Variants in TBC1D8B observed in about 807,000 individuals in gnomAD.
TBC1D8B encodes TBC1 domain family member 8B.
Under a neutral mutation model 82.9 loss-of-function variants are expected in TBC1D8B, and 75 were observed. The ratio of observed to expected loss-of-function variants is 0.90; its 90% confidence interval spans 0.75 to 1.10. The LOEUF is 1.10. Among genes scored for constraint, TBC1D8B ranks in the 50% least tolerant of loss-of-function variants. The probability of loss-of-function intolerance (pLI) is 0.00; values close to 1 mark genes in which losing one functional copy is unlikely to be tolerated. For missense variants in TBC1D8B, 794 were observed against 796.9 expected, an observed-to-expected ratio of 1.00 and a Z score of 0.04; for synonymous variants, 276 against 276.8, an observed-to-expected ratio of 1.00 and a Z score of 0.03.
At chrX:106,832,413 A>G (rs779390619) in intron 7 of TBC1D8B, among the ~76,000 whole-genome samples, 13 of 111,468 alleles carry the variant, frequency 1.2e-4, no homozygotes, top group Non-Finnish European at 2.3e-4. Flanking sequence ...TTTTACTTTC[A>G]TTGACACATA....
At chrX:106,836,321 T>C (rs1486530532) in intron 7 of TBC1D8B, among the ~76,000 whole-genome samples, 2 of 111,547 alleles carry the variant, frequency 1.8e-5, no homozygotes, top group Non-Finnish European at 3.8e-5. Flanking sequence ...CATGATTCAG[T>C]TATCTCCATC....
At chrX:106,824,671 T>C (rs1217479516) in intron 5 of TBC1D8B, among the ~76,000 whole-genome samples, 2 of 111,327 alleles carry the variant, frequency 1.8e-5, no homozygotes, top group African/African-American at 6.5e-5. Context: ...AGGCTATCAA[T>C]GAGTTATTCA....
chrX:106,831,469 A>G (rs1932045507), intron 7 of TBC1D8B, among the ~76,000 whole-genome samples: 1 of 111,656 alleles, frequency 9.0e-6, no homozygotes, highest in South Asian at 3.8e-4. Flanking sequence ...GAATACAAGT[A>G]AAATCTGACC....
chrX:106,816,050 G>C (rs1176009046), intron 1 of TBC1D8B, among the ~76,000 whole-genome samples: 1 of 111,259 alleles, frequency 9.0e-6, no homozygotes, highest in Non-Finnish European at 1.9e-5. Context: ...AGTGTTGGAA[G>C]TTCTGGCCAG....
rs778461096 is a variant in TBC1D8B, at chrX:106,840,048, T to C, written c.1354T>C (p.Leu452=). 1 of 1,190,389 alleles carries C rather than the reference T, an allele frequency of 8.4e-7. No individual in the cohort carries two copies. Among genetic ancestry groups the C allele is most frequent in the Non-Finnish European group, 1.1e-6 (1 of 886,738 alleles). Residue 452 remains leucine (L), a splice_region_variant and synonymous_variant, in exon 9 of 21, where the codon TTG becomes CTG. Coordinates refer to ENST00000357242, the MANE Select transcript of TBC1D8B (RefSeq NM_017752.3). The stretch of plus-strand genomic sequence containing the variant: ...TGTTTTGATTTTTCTGTCATTACAG[T>C]TGAAAGAAAAAATGAAGGAACAGTC... ...QNLETLNSKM[L]KEKMKEQSWK...
At chrX:106,856,480 A>G (rs1178746644) in intron 14 of TBC1D8B, among the ~76,000 whole-genome samples, 1 of 110,653 alleles carries the variant, frequency 9.0e-6, no homozygotes, top group Admixed American at 9.6e-5. Context: ...TGCTTTTTTA[A>G]CATTTAGAAC....
Position 106,850,006 on chromosome X carries a change from T to C in TBC1D8B, c.1838-19T>C. The C allele has an allele frequency of 8.7e-7, 1 of 1,155,539 alleles. No individual in the cohort carries two copies. Among genetic ancestry groups the C allele is most frequent in the Non-Finnish European group, 1.1e-6 (1 of 871,382 alleles). ...TTTTGAAAAATGTTTATTTTTAAAC[T>C]TCTTTTGATATTCTGTAGGTGCCTT... On this transcript the variant is annotated intron_variant, in intron 11 of 20. Transcript: ENST00000357242.
chrX:106,809,146 G>A (rs1472971465), intron 1 of TBC1D8B, among the ~76,000 whole-genome samples: 1 of 111,871 alleles, frequency 8.9e-6, no homozygotes, highest in African/African-American at 3.2e-5. Flanking sequence ...TCCTAAATGT[G>A]ATGGTATACA....
chrX:106,802,935 C>T lies in TBC1D8B; in HGVS notation c.82C>T (p.Leu28=). The T allele has an allele frequency of 1.7e-6, 2 of 1,210,960 alleles. No homozygotes were observed. The highest frequency in any genetic ancestry group is 2.2e-6 in the Non-Finnish European group (2 of 895,180). ...GGAAAGGTCCAACGACTACTTCGTGCTGCAGCGGCGTCGGGGCTACGGGGA... is the reference window on the plus strand; with the variant it reads ...GGAAAGGTCCAACGACTACTTCGTGTTGCAGCGGCGTCGGGGCTACGGGGA... The part of the protein sequence containing the change: ...LMERSNDYFV[L]QRRRGYGEEG... Residue 28 remains leucine (L), a synonymous_variant, in exon 1 of 21, where the codon CTG becomes TTG. Transcript: ENST00000357242.
intron 14 of TBC1D8B, among the ~76,000 whole-genome samples, chrX:106,861,372 C>A (rs1602435706): frequency 9.0e-6 from 1 of 111,691 alleles, no homozygotes. Flanking sequence ...TCTTTATAGG[C>A]CTCTAAGAAC....
intron 1 of TBC1D8B, among the ~76,000 whole-genome samples, chrX:106,818,044 TGAAAA>T (rs1171052882): frequency 9.0e-6 from 1 of 111,097 alleles, no homozygotes; most frequent in African/African-American, 3.3e-5. Context: ...TAAGAATTGT[TGAAAA>T]GAAAATCCCT....
intron 17 of TBC1D8B, 70 bp downstream of exon 17, chrX:106,866,932 T>A: frequency 5.0e-6 from 4 of 807,575 alleles, no homozygotes; most frequent in Non-Finnish European, 7.0e-6. Context: ...TAATTACAGA[T>A]TTTTTTAACA....
chrX:106,817,500 AT>A (rs1931577346), intron 1 of TBC1D8B, among the ~76,000 whole-genome samples: 1 of 111,802 alleles, frequency 8.9e-6, no homozygotes, highest in African/African-American at 3.2e-5. Context: ...AAACTCATGC[AT>A]AAAATTATTT....
intron 7 of TBC1D8B, among the ~76,000 whole-genome samples, chrX:106,830,322 T>C (rs1189655153): frequency 5.4e-5 from 6 of 111,236 alleles, no homozygotes; most frequent in African/African-American, 1.6e-4. Context: ...TGTGGAGAAA[T>C]AGGAACACTT....
intron 1 of TBC1D8B, among the ~76,000 whole-genome samples, chrX:106,810,434 G>A (rs1329785590): frequency 8.1e-5 from 9 of 111,764 alleles, no homozygotes; most frequent in Admixed American, 2.8e-4. Flanking sequence ...TGCACTTAGC[G>A]ACTAGAAAAA....
At chrX:106,820,537 G>A (rs1471787828) in intron 2 of TBC1D8B, among the ~76,000 whole-genome samples, 3 of 111,434 alleles carry the variant, frequency 2.7e-5, no homozygotes, top group Non-Finnish European at 3.8e-5. Context: ...TACACATTAT[G>A]TATTTTCTGG....
intron 14 of TBC1D8B, among the ~76,000 whole-genome samples, chrX:106,860,343 GTGT>G (rs1932762137): frequency 1.3e-4 from 3 of 22,652 alleles, no homozygotes; most frequent in African/African-American, 8.4e-4. Flanking sequence ...TATGATTGGT[GTGT>G]GTGTGTGTGT....
chrX:106,870,619 C>A, intron 19 of TBC1D8B, 97 bp from the exon 20 acceptor site: 1 of 513,227 alleles, frequency 1.9e-6, no homozygotes, highest in Admixed American at 4.1e-5. Flanking sequence ...GATCTTATAT[C>A]TCAGTGAAAT....
intron 2 of TBC1D8B, among the ~76,000 whole-genome samples, chrX:106,820,421 T>G (rs937969031): frequency 6.3e-5 from 7 of 111,456 alleles, no homozygotes; most frequent in Non-Finnish European, 9.5e-5. Flanking sequence ...ACAGTTAAAA[T>G]CTACATTTAC....
Sources: gnomAD v4.1 joint callset for allele counts (sites outside exome capture counted in the v4.1 genomes callset) on GRCh38, gnomAD v4.1.1 for gene constraint, MANE v1.5 for transcripts, NCBI Gene and HGNC (gene_info 2026-07-23, HGNC 2026-07-21) for gene names.